SSTR4: variants seen among roughly 807,000 people sequenced by gnomAD.
The protein encoded by SSTR4 is somatostatin receptor type 4.
For synonymous variants in SSTR4, 272 were observed against 246.3 expected, an observed-to-expected ratio of 1.10 and a Z score of -0.98; for missense variants, 649 against 540.6, an observed-to-expected ratio of 1.20 and a Z score of -1.99.
rs995613283 is a variant in SSTR4 at position 23,035,438 on chromosome 20, C to G, written c.-46C>G. On this transcript the variant is annotated 5_prime_UTR_variant, in exon 1 of 1. Transcript: ENST00000255008. ...CCGCCGCCCGAGCTCTCTGGCGCAG[C>G]GCTAGCTCCGCCGCGCTCAGCTGCC... 9.0e-6 allele frequency: 12 copies of G among 1,338,956 alleles called. No individual in the cohort carries two copies. Among genetic ancestry groups the G allele is most frequent in the Non-Finnish European group, 1.0e-5 (11 of 1,049,080 alleles). 82.9% of individuals were successfully genotyped at this position (1,338,956 alleles called of 1,614,324 possible).
chr20:23,035,406 C>A lies in SSTR4; in HGVS notation c.-78C>A. The stretch of plus-strand genomic sequence containing the variant: ...CGCGCGTCTGCGCGCCAGCCCCCGC[C>A]CTGGGCCCGCCGCCCGAGCTCTCTG... On this transcript the variant is annotated 5_prime_UTR_variant, in exon 1 of 1. Coordinates refer to ENST00000255008, the MANE Select transcript of SSTR4 (RefSeq NM_001052.4). The A allele has an allele frequency of 8.8e-7, 1 of 1,130,006 alleles. No individual in the cohort carries two copies. Among genetic ancestry groups the A allele is most frequent in the Non-Finnish European group, 1.1e-6 (1 of 894,674 alleles). 70.0% of individuals were successfully genotyped at this position (1,130,006 alleles called of 1,614,324 possible).
In SSTR4 at chr20:23,035,658, C is replaced by T. The variant is rs766081521; in HGVS notation, c.175C>T (p.Leu59=). 1 of 1,539,406 alleles carries T rather than the reference C, an allele frequency of 6.5e-7. No individual in the cohort carries two copies. The highest frequency in any genetic ancestry group is 8.7e-7 in the Non-Finnish European group (1 of 1,144,276). ...AIQCIYALVC[L]VGLVGNALVI... Reference sequence around the variant, plus strand: ...CCAGTGCATCTACGCGCTGGTGTGCCTGGTGGGGCTGGTGGGCAACGCCCT... The same window carrying T: ...CCAGTGCATCTACGCGCTGGTGTGCTTGGTGGGGCTGGTGGGCAACGCCCT... The change falls in exon 1 of 1, where the codon CTG becomes TTG. Residue 59 remains leucine, a synonymous_variant. Transcript: ENST00000255008.
Position 23,035,352 on chromosome 20 carries a change from C to G in SSTR4, c.-132C>G. The G allele has an allele frequency of 1.4e-6, 1 of 710,560 alleles. No individual in the cohort carries two copies. The highest frequency in any genetic ancestry group is 1.9e-6 in the Non-Finnish European group (1 of 521,742). The allele number at this position is 710,560 out of a possible 1,614,324, so 44.0% of individuals were successfully genotyped here. On this transcript the variant is annotated 5_prime_UTR_variant, in exon 1 of 1. Transcript: ENST00000255008. ...GGATTGGCGGGCGCTCCCCGGTGCC[C>G]GCAGCTCTTCAGCGTAGCCGGGAAG... is the stretch of plus-strand genomic sequence containing the variant.
rs1339869906 is a variant in SSTR4, at chr20:23,036,237, C to T, written c.754C>T (p.Arg252Cys). The change falls in exon 1 of 1, where the codon CGC becomes TGC. Residue 252 changes from arginine to cysteine, a missense_variant. By Grantham distance (180) the Arg-to-Cys change is radical. Coordinates refer to ENST00000255008, the MANE Select transcript of SSTR4 (RefSeq NM_001052.4). ...ALRAGWQQRR[R>C]SEKKITRLVL... ...GCGCGCTGGCTGGCAGCAGCGCAGG[C>T]GCTCGGAGAAGAAAATCACCAGGCT... 3 of 1,613,954 alleles carry T rather than the reference C, an allele frequency of 1.9e-6. No homozygotes were observed. Among genetic ancestry groups the T allele is most frequent in the South Asian group, 1.1e-5 (1 of 91,082 alleles).
Position 23,038,769 on chromosome 20 carries a change from C to T in SSTR4, c.*2119C>T, listed in dbSNP as rs548114039. On this transcript the variant is annotated 3_prime_UTR_variant, in exon 1 of 1. Transcript: ENST00000255008. ...AATGGTGGGAGGGCAGGAGATAGCA[C>T]GCTTCTCTGCTTAGTCCTCCTTCCA... is the stretch of plus-strand genomic sequence containing the variant. Among the ~76,000 whole-genome samples, 7 of 152,352 alleles carry T rather than the reference C, an allele frequency of 4.6e-5. No homozygotes were observed. Among genetic ancestry groups the T allele is most frequent in the East Asian group, 3.9e-4 (2 of 5,178 alleles).
At position 23,035,312 on chromosome 20, in the gene SSTR4, G is replaced by T; in HGVS notation, c.-172G>T. On this transcript the variant is annotated 5_prime_UTR_variant, in exon 1 of 1. Coordinates refer to ENST00000255008, the MANE Select transcript of SSTR4 (RefSeq NM_001052.4). ...GAGCCAGTCGGGCGCCCGCGCGGTG[G>T]GGCGCGCGGCGCGGGGATTGGCGGG... 4.7e-6 allele frequency: 2 copies of T among 421,826 alleles called. No homozygotes were observed. Among genetic ancestry groups the T allele is most frequent in the Non-Finnish European group, 7.4e-6 (2 of 270,388 alleles). 26.1% of individuals were successfully genotyped at this position (421,826 alleles called of 1,614,324 possible).
At position 23,036,669 on chromosome 20, in the gene SSTR4, A is replaced by C; in HGVS notation, c.*19A>C. The C allele has an allele frequency of 6.6e-7, 1 of 1,522,504 alleles. No homozygotes were observed. The highest frequency in any genetic ancestry group is 8.8e-7 in the Non-Finnish European group (1 of 1,136,744). 94.3% of individuals were successfully genotyped at this position (1,522,504 alleles called of 1,614,324 possible). ...CTTCTGAGGAGCCCTTCCCCTACCC[A>C]CCCTGCGTGGCCACCTCCCAAGGGG... On this transcript the variant is annotated 3_prime_UTR_variant, in exon 1 of 1. Coordinates refer to ENST00000255008, the MANE Select transcript of SSTR4 (RefSeq NM_001052.4).
rs530509527 is a variant in SSTR4, at chr20:23,036,547, G to A, written c.1064G>A (p.Gly355Asp). Residue 355 changes from glycine (G) to aspartate (D), a missense_variant, in exon 1 of 1, where the codon GGT (glycine) becomes GAT (aspartate). Coordinates refer to ENST00000255008, the MANE Select transcript of SSTR4 (RefSeq NM_001052.4). ...TATGCCACTGCTCTCAAGAGCAAAGGTGGGGCAGGGTGCATGTGCCCCCCA... is the reference window on the plus strand; with the variant it reads ...TATGCCACTGCTCTCAAGAGCAAAGATGGGGCAGGGTGCATGTGCCCCCCA... ...DYYATALKSK[G>D]GAGCMCPPLP... The A allele has an allele frequency of 3.4e-5, 55 of 1,612,640 alleles. 1 individual carries two copies. The South Asian group carries it at 4.7e-4, about 14-fold the overall frequency.
In SSTR4 at chr20:23,037,912, G is replaced by A. The variant is rs1984371345; in HGVS notation, c.*1262G>A. On this transcript the variant is annotated 3_prime_UTR_variant, in exon 1 of 1. Coordinates refer to ENST00000255008, the MANE Select transcript of SSTR4 (RefSeq NM_001052.4). The stretch of plus-strand genomic sequence containing the variant: ...GGAAGATGGTGTGGGGAGGGGGAGA[G>A]ACAGCCAAAGGTCAACACCCTATGC... Among the ~76,000 whole-genome samples the A allele has an allele frequency of 6.6e-6, 1 of 152,090 alleles. No homozygotes were observed. Among genetic ancestry groups the A allele is most frequent in the South Asian group, 2.1e-4 (1 of 4,828 alleles).
chr20:23,035,536 C>T lies in SSTR4; in HGVS notation c.53C>T (p.Ala18Val), dbSNP rs751036785. 1 of 1,592,292 alleles carries T rather than the reference C, an allele frequency of 6.3e-7. No homozygotes were observed. Among genetic ancestry groups the T allele is most frequent in the South Asian group, 1.1e-5 (1 of 89,538 alleles). Residue 18 changes from alanine to valine, a missense_variant, in exon 1 of 1, where the codon GCC becomes GTC. Coordinates refer to ENST00000255008, the MANE Select transcript of SSTR4 (RefSeq NM_001052.4). Reference sequence around the variant, plus strand: ...GGGGGCGAGGAAGGGCTGGGGACGGCCTGGCCCTCTGCAGCCAATGCCAGT... The same window carrying T: ...GGGGGCGAGGAAGGGCTGGGGACGGTCTGGCCCTCTGCAGCCAATGCCAGT... ...PPGGEEGLGT[A>V]WPSAANASSA... is the part of the protein sequence containing the mutation.
At position 23,038,194 on chromosome 20, in the gene SSTR4, TA is replaced by T. The variant is rs2122656587; in HGVS notation, c.*1548del. 1 of 152,286 alleles carries T rather than the reference TA, an allele frequency of 6.6e-6. No individual in the cohort carries two copies. The highest frequency in any genetic ancestry group is 1.9e-4 in the East Asian group (1 of 5,172). The allele number at this position is 152,286 out of a possible 1,614,324, so 9.4% of individuals were successfully genotyped here. A position where few individuals can be genotyped will look rare whatever the true frequency, so the allele number is the denominator to read the frequency against. On this transcript the variant is annotated 3_prime_UTR_variant, in exon 1 of 1. Transcript: ENST00000255008. ...GTAACCATAACTACTTGGAGTTTTTTAAAACTGCATTATTTCTTTGTTCCTC... is the reference window on the plus strand; with the variant it reads ...GTAACCATAACTACTTGGAGTTTTTTAAACTGCATTATTTCTTTGTTCCTC...
chr20:23,036,152 C>A lies in SSTR4; in HGVS notation c.669C>A (p.Pro223=). 1 of 1,608,484 alleles carries A rather than the reference C, an allele frequency of 6.2e-7. No individual in the cohort carries two copies. Among genetic ancestry groups the A allele is most frequent in the Non-Finnish European group, 8.5e-7 (1 of 1,179,724 alleles). Residue 223 remains proline, a synonymous_variant, in exon 1 of 1, where the codon CCC becomes CCA. Transcript: ENST00000255008. ...CTTTCCTGCTGGGCTTCCTGCTGCC[C>A]GTGCTGGCCATTGGCCTGTGCTACC... ...VYTFLLGFLL[P]VLAIGLCYLL...
At position 23,036,670 on chromosome 20, in the gene SSTR4, C is replaced by T. The variant is rs755188099; in HGVS notation, c.*20C>T. 3 of 1,524,768 alleles carry T rather than the reference C, an allele frequency of 2.0e-6. No homozygotes were observed. The highest frequency in any genetic ancestry group is 2.3e-5 in the East Asian group (1 of 44,156). 94.5% of individuals were successfully genotyped at this position (1,524,768 alleles called of 1,614,324 possible). A position where few individuals can be genotyped will look rare whatever the true frequency, so the allele number is the denominator to read the frequency against. On this transcript the variant is annotated 3_prime_UTR_variant, in exon 1 of 1. Transcript: ENST00000255008. ...TTCTGAGGAGCCCTTCCCCTACCCACCCTGCGTGGCCACCTCCCAAGGGGT... is the reference window on the plus strand; with the variant it reads ...TTCTGAGGAGCCCTTCCCCTACCCATCCTGCGTGGCCACCTCCCAAGGGGT...
chr20:23,035,501 G>T lies in SSTR4; in HGVS notation c.18G>T (p.Thr6=). 1 of 1,551,860 alleles carries T rather than the reference G, an allele frequency of 6.4e-7. No individual in the cohort carries two copies. Among genetic ancestry groups the T allele is most frequent in the Non-Finnish European group, 8.7e-7 (1 of 1,155,702 alleles). The change falls in exon 1 of 1, where the codon ACG becomes ACT. Residue 6 remains threonine (T), a synonymous_variant. Transcript: ENST00000255008. MSAPS[T]LPPGGEEGLG... is the part of the protein sequence containing the mutation. ...CCCTGGTCATGAGCGCCCCCTCGAC[G>T]CTGCCCCCCGGGGGCGAGGAAGGGC...
chr20:23,037,119 T>G lies in SSTR4; in HGVS notation c.*469T>G, dbSNP rs1984352361. 6.6e-6 allele frequency among the ~76,000 whole-genome samples: 1 copy of G among 152,172 alleles called. No homozygotes were observed. Among genetic ancestry groups the G allele is most frequent in the African/African-American group, 2.4e-5 (1 of 41,456 alleles). On this transcript the variant is annotated 3_prime_UTR_variant, in exon 1 of 1. Coordinates refer to ENST00000255008, the MANE Select transcript of SSTR4 (RefSeq NM_001052.4). ...GATGCCCCCAGGCACCTGCCCTTTA[T>G]GTCTCTTCCTGAGCTCTTGTTAAGT...
rs564713391 is a variant in SSTR4 at position 23,038,096 on chromosome 20, A to G, written c.*1446A>G. 9.2e-5 allele frequency: 14 copies of G among 152,308 alleles called. No homozygotes were observed. Among genetic ancestry groups the G allele is most frequent in the South Asian group, 6.2e-4 (3 of 4,822 alleles). 9.4% of individuals were successfully genotyped at this position (152,308 alleles called of 1,614,324 possible). A position where few individuals can be genotyped will look rare whatever the true frequency, so the allele number is the denominator to read the frequency against. On this transcript the variant is annotated 3_prime_UTR_variant, in exon 1 of 1. Coordinates refer to ENST00000255008, the MANE Select transcript of SSTR4 (RefSeq NM_001052.4). The stretch of plus-strand genomic sequence containing the variant: ...ATGCACACACACAGAGACATCAACC[A>G]TCTCTAATTTGTTGGCACCCACCAG...
At position 23,035,815 on chromosome 20, in the gene SSTR4, A is replaced by G. The variant is rs1463520159; in HGVS notation, c.332A>G (p.His111Arg). 2 of 1,592,106 alleles carry G rather than the reference A, an allele frequency of 1.3e-6. No individual in the cohort carries two copies. The highest frequency in any genetic ancestry group is 1.3e-5 in the African/African-American group (1 of 74,216). Residue 111 changes from histidine (H) to arginine (R), a missense_variant, in exon 1 of 1, where the codon CAC (histidine) becomes CGC (arginine). His to Arg is a conservative substitution (Grantham distance 29, BLOSUM62 0). Transcript: ENST00000255008. ...GTGGCCTCGTCGGCCGCCCTGCGCCACTGGCCCTTCGGCTCCGTGCTGTGC... is the reference window on the plus strand; with the variant it reads ...GTGGCCTCGTCGGCCGCCCTGCGCCGCTGGCCCTTCGGCTCCGTGCTGTGC... ...PFVASSAALR[H>R]WPFGSVLCRA...
rs1376766191 is a variant in SSTR4, at chr20:23,035,763, G to T, written c.280G>T (p.Glu94Ter). The T allele has an allele frequency of 6.3e-7, 1 of 1,592,574 alleles. No homozygotes were observed. Among genetic ancestry groups the T allele is most frequent in the South Asian group, 1.1e-5 (1 of 87,944 alleles). The change falls in exon 1 of 1, where the codon GAG becomes TAG. Residue 94 changes from glutamate to a stop codon, truncating the protein, a stop_gained. Coordinates refer to ENST00000255008, the MANE Select transcript of SSTR4 (RefSeq NM_001052.4). LOFTEE classifies it low-confidence loss of function (END_TRUNC). ...IYLLNLAVAD[E>*]LFMLSVPFVA... ...CCTGCTCAACCTGGCCGTAGCCGAC[G>T]AGCTCTTCATGCTGAGCGTGCCCTT... is the stretch of plus-strand genomic sequence containing the variant.
In SSTR4 at chr20:23,039,061, G is replaced by A. The variant is rs963359949; in HGVS notation, c.*2411G>A. 4 of 152,212 alleles carry A rather than the reference G, an allele frequency of 2.6e-5. No homozygotes were observed. Among genetic ancestry groups the A allele is most frequent in the African/African-American group, 9.7e-5 (4 of 41,446 alleles). The allele number at this position is 152,212 out of a possible 1,614,324, so 9.4% of individuals were successfully genotyped here. A position where few individuals can be genotyped will look rare whatever the true frequency, so the allele number is the denominator to read the frequency against. ...CATGAAACCCTCCCTTGTAGTTTGT[G>A]TACAGAAGACTGCAATGAATTGAAG... On this transcript the variant is annotated 3_prime_UTR_variant, in exon 1 of 1. Coordinates refer to ENST00000255008, the MANE Select transcript of SSTR4 (RefSeq NM_001052.4).
Sources: gnomAD v4.1 joint callset for allele counts (sites outside exome capture counted in the v4.1 genomes callset) on GRCh38, gnomAD v4.1.1 for gene constraint, MANE v1.5 for transcripts, NCBI Gene and HGNC (gene_info 2026-07-23, HGNC 2026-07-21) for gene names.